Variants in RNF216 observed in about 807,000 individuals in gnomAD.
RNF216 encodes E3 ubiquitin-protein ligase RNF216.
A neutral mutation model predicts 110.8 loss-of-function variants in RNF216; 72 were observed. The observed-to-expected ratio is 0.65, with a 90% CI of 0.54 to 0.79. The LOEUF (loss-of-function observed/expected upper bound fraction) is 0.79, where lower values mean the gene tolerates loss of function less well. Among genes scored for constraint, RNF216 ranks in the 30% least tolerant of loss-of-function variants. The pLI is 0.00. For missense variants in RNF216, 1,342 were observed against 1,141.2 expected, an observed-to-expected ratio of 1.18 and a Z score of -2.54; for synonymous variants, 495 against 407.5, an observed-to-expected ratio of 1.21 and a Z score of -2.59.
rs556543538 is a variant in RNF216, at chr7:5,693,416, A to G, written c.2061+18345T>C. Among the ~76,000 whole-genome samples, 6 of 152,356 alleles carry G rather than the reference A, an allele frequency of 3.9e-5. No homozygotes were observed. In the South Asian group the frequency reaches 1.2e-3, roughly 32 times the overall value. On this transcript the variant is annotated intron_variant, in intron 13 of 16. Transcript: ENST00000389902. ...CCCGGTATGGACCTCCACTGTACTG[A>G]GGTACCAAAATGTACTGAAATTGTT...
intron 1 of RNF216, among the ~76,000 whole-genome samples, chr7:5,764,158 A>G (rs1190416558): frequency 6.6e-6 from 1 of 151,498 alleles, no homozygotes; most frequent in Non-Finnish European, 1.5e-5. Flanking sequence ...ACGCCATTGC[A>G]CTCCAGGTTG....
At position 5,749,145 on chromosome 7, in the gene RNF216, A is replaced by G. The variant is rs1031866205; in HGVS notation, c.201+3701T>C. Among the ~76,000 whole-genome samples the G allele has an allele frequency of 8.4e-5, 10 of 119,438 alleles. No individual in the cohort carries two copies. In the Admixed American group the frequency reaches 1.1e-3, roughly 13 times the overall value. The allele number at this position is 119,438 out of a possible 152,430, so 78.4% of individuals were successfully genotyped here. A position where few individuals can be genotyped will look rare whatever the true frequency, so the allele number is the denominator to read the frequency against. On this transcript the variant is annotated intron_variant, in intron 3 of 16. Coordinates refer to ENST00000389902, the MANE Select transcript of RNF216 (RefSeq NM_207111.4). ...TGTGTTCTGATCAGCAAAAATGCCC[A>G]TGTATTTTTTTTTTTTTTTTTTTGA...
intron 6 of RNF216, 104 bp downstream of exon 6, chr7:5,730,611 G>A (rs1794028819): frequency 4.5e-6 from 7 of 1,549,192 alleles, no homozygotes; most frequent in Non-Finnish European, 6.1e-6. Context: ...TTAAAAACTT[G>A]TCCCAACAAA....
At chr7:5,716,827 T>TAG (rs1793095073) in intron 9 of RNF216, 61 bp from the exon 10 acceptor site, 3 of 1,280,180 alleles carry the variant, frequency 2.3e-6, no homozygotes, top group Non-Finnish European at 3.4e-6. Flanking sequence ...ACTAACCATT[T>TAG]AGTATTTATT....
chr7:5,760,522 GAA>G (rs756562209), intron 2 of RNF216: 49 of 225,900 alleles, frequency 2.2e-4, no homozygotes, highest in Middle Eastern at 2.4e-3. Context: ...CTCAAAAAAA[GAA>G]AAAAAAAAAA....
intron 15 of RNF216, among the ~76,000 whole-genome samples, chr7:5,633,265 C>G (rs1385783593): frequency 6.6e-6 from 1 of 151,978 alleles, no homozygotes; most frequent in Non-Finnish European, 1.5e-5. Flanking sequence ...GTGTGAGCCA[C>G]TGCGCCCAGC....
intron 13 of RNF216, among the ~76,000 whole-genome samples, chr7:5,669,212 C>G (rs913746712): frequency 6.6e-6 from 1 of 152,192 alleles, no homozygotes; most frequent in Non-Finnish European, 1.5e-5. Context: ...AGCAGAGTTG[C>G]ATCTGACAAG....
chr7:5,627,227 G>C (rs1786765958), intron 15 of RNF216, among the ~76,000 whole-genome samples: 1 of 152,156 alleles, frequency 6.6e-6, no homozygotes, highest in Admixed American at 6.5e-5. Context: ...CACACACCGG[G>C]CCACTCAATG....
intron 14 of RNF216, among the ~76,000 whole-genome samples, chr7:5,651,601 TATGAG>T (rs1788391825): frequency 6.6e-6 from 1 of 151,996 alleles, no homozygotes; most frequent in African/African-American, 2.4e-5. Flanking sequence ...GCTAGATTGT[TATGAG>T]AGAAGAGAAA....
At chr7:5,745,877 T>C (rs1031583684) in intron 3 of RNF216, among the ~76,000 whole-genome samples, 3 of 124,250 alleles carry the variant, frequency 2.4e-5, no homozygotes, top group African/African-American at 9.6e-5. Context: ...GCCTGGGTGA[T>C]AGATTGAGAC....
Position 5,672,842 on chromosome 7 carries a change from G to T in RNF216, c.2062-20332C>A, listed in dbSNP as rs565255206. 4.5e-4 allele frequency among the ~76,000 whole-genome samples: 69 copies of T among 152,192 alleles called. 1 individual carries two copies. In the South Asian group the frequency reaches 6.4e-3, roughly 14 times the overall value. Reference sequence around the variant, plus strand: ...GGAGGCGAGGAGCTGGGGCTTTCTAGGACACAGGGACACAGGCAGCACACT... The same window carrying T: ...GGAGGCGAGGAGCTGGGGCTTTCTATGACACAGGGACACAGGCAGCACACT... On this transcript the variant is annotated intron_variant, in intron 13 of 16. Coordinates refer to ENST00000389902, the MANE Select transcript of RNF216 (RefSeq NM_207111.4).
At chr7:5,712,925 C>T (rs567227518) in intron 11 of RNF216, 62 bp from the exon 12 acceptor site, 152 of 1,466,424 alleles carry the variant, frequency 1.0e-4, no homozygotes, top group Non-Finnish European at 1.4e-4. Flanking sequence ...AAATAAAAAG[C>T]GTCAGTGGTT....
intron 13 of RNF216, among the ~76,000 whole-genome samples, chr7:5,677,792 T>C (rs1790397511): frequency 6.6e-6 from 1 of 152,206 alleles, no homozygotes; most frequent in South Asian, 2.1e-4. Flanking sequence ...AAGGGTTGTC[T>C]ATGCAGAGAC....
intron 1 of RNF216, chr7:5,779,895 ATAC>A (rs948877656): frequency 4.0e-5 from 6 of 151,174 alleles, no homozygotes; most frequent in Non-Finnish European, 8.8e-5. Context: ...CTGACGGGAC[ATAC>A]TACATCTAAA....
intron 13 of RNF216, among the ~76,000 whole-genome samples, chr7:5,664,338 C>T (rs938973427): frequency 6.6e-6 from 1 of 152,156 alleles, no homozygotes; most frequent in Admixed American, 6.6e-5. Flanking sequence ...GAGTTACTGT[C>T]CTTCCTTTCT....
intron 8 of RNF216, 32 bp downstream of exon 8, chr7:5,725,292 C>A (rs771818999): frequency 1.6e-6 from 2 of 1,243,670 alleles, no homozygotes; most frequent in Admixed American, 3.4e-5. Context: ...AGTGTTGCAG[C>A]TACACACTGC....
At chr7:5,676,049 C>T (rs1480557666) in intron 13 of RNF216, among the ~76,000 whole-genome samples, 1 of 150,992 alleles carries the variant, frequency 6.6e-6, no homozygotes, top group Non-Finnish European at 1.5e-5. Flanking sequence ...GAGTCTTGCT[C>T]TGTTGCCCAG....
intron 1 of RNF216, among the ~76,000 whole-genome samples, chr7:5,780,497 G>A (rs1248481713): frequency 6.6e-6 from 1 of 152,152 alleles, no homozygotes; most frequent in Non-Finnish European, 1.5e-5. Flanking sequence ...AGACGTTAGA[G>A]ACCAGCCTGG....
At chr7:5,655,535 G>T (rs534205061) in intron 13 of RNF216, among the ~76,000 whole-genome samples, 1 of 152,214 alleles carries the variant, frequency 6.6e-6, no homozygotes, top group African/African-American at 2.4e-5. Context: ...GAACCTGGGG[G>T]GCGGAGGTTG....
Sources: allele counts gnomAD v4.1 joint callset (sites outside exome capture counted in the v4.1 genomes callset), GRCh38; gene constraint gnomAD v4.1.1; transcripts MANE v1.5; gene names NCBI Gene and HGNC (gene_info 2026-07-23, HGNC 2026-07-21).